PSMB7: variants seen among roughly 807,000 people sequenced by gnomAD.
PSMB7 encodes proteasome 20S subunit beta 7, also known as proteasome subunit beta type-7.
Under a neutral mutation model 28.1 loss-of-function variants are expected in PSMB7, and 5 were observed. The observed-to-expected ratio is 0.18, with a 90% CI of 0.09 to 0.37. PSMB7 has a LOEUF of 0.37. Among genes scored for constraint, PSMB7 ranks in the 10% least tolerant of loss-of-function variants. The pLI is 1.00. For missense variants in PSMB7, 275 were observed against 346.2 expected (o/e 0.79, Z 1.63); for synonymous variants, 122 against 123.7 (o/e 0.99, Z 0.09).
intron 5 of PSMB7, among the ~76,000 whole-genome samples, chr9:124,385,664 A>G (rs1385160719): frequency 1.3e-5 from 2 of 152,236 alleles, no homozygotes; most frequent in Admixed American, 1.3e-4. Flanking sequence ...GCTGGGTCAC[A>G]GAGAAAACCA....
At chr9:124,387,102 C>T (rs1391173221) in intron 5 of PSMB7, among the ~76,000 whole-genome samples, 1 of 151,958 alleles carries the variant, frequency 6.6e-6, no homozygotes, top group Non-Finnish European at 1.5e-5. Flanking sequence ...AAACATTAGC[C>T]GAGCATGGTG....
intron 5 of PSMB7, among the ~76,000 whole-genome samples, chr9:124,387,273 C>G (rs532398276): frequency 1.3e-5 from 2 of 152,190 alleles, no homozygotes; most frequent in South Asian, 4.1e-4. Flanking sequence ...AACAAAAAAC[C>G]TTTTTCCTGC....
At chr9:124,360,198 C>T (rs542304817) in intron 6 of PSMB7, among the ~76,000 whole-genome samples, 34 of 152,112 alleles carry the variant, frequency 2.2e-4, no homozygotes, top group Non-Finnish European at 4.1e-4. Flanking sequence ...CATGTGCTAC[C>T]AAATATTTAA....
intron 6 of PSMB7, among the ~76,000 whole-genome samples, chr9:124,364,180 C>G (rs1457443872): frequency 3.9e-5 from 6 of 152,138 alleles, no homozygotes; most frequent in African/African-American, 1.4e-4. Context: ...TTCCCAACTG[C>G]TGGTACAGAT....
intron 5 of PSMB7, among the ~76,000 whole-genome samples, chr9:124,404,070 G>C (rs901343048): frequency 6.6e-6 from 1 of 151,580 alleles, no homozygotes; most frequent in Non-Finnish European, 1.5e-5. Flanking sequence ...ATATATATGT[G>C]GCACAGACCG....
chr9:124,378,240 G>A (rs567559125), intron 6 of PSMB7, among the ~76,000 whole-genome samples: 2 of 152,256 alleles, frequency 1.3e-5, no homozygotes, highest in East Asian at 3.9e-4. Context: ...GGCTCTCATG[G>A]GACGCCAGAG....
chr9:124,386,399 T>C (rs545006075), intron 5 of PSMB7, among the ~76,000 whole-genome samples: 2 of 152,222 alleles, frequency 1.3e-5, no homozygotes, highest in South Asian at 4.1e-4. Context: ...AGGGGGAAAG[T>C]TAACCTAAGT....
intron 6 of PSMB7, among the ~76,000 whole-genome samples, chr9:124,372,543 T>A (rs533659282): frequency 5.9e-5 from 9 of 152,210 alleles, no homozygotes; most frequent in Non-Finnish European, 1.2e-4. Context: ...CTTACGGAGA[T>A]TTTTGGTAAA....
At chr9:124,413,540 G>A (rs1268765259) in intron 3 of PSMB7, among the ~76,000 whole-genome samples, 1 of 152,134 alleles carries the variant, frequency 6.6e-6, no homozygotes, top group Non-Finnish European at 1.5e-5. Context: ...GGATGCCTAA[G>A]AGAGGCCAAT....
At chr9:124,387,503 T>A (rs911156986) in intron 5 of PSMB7, among the ~76,000 whole-genome samples, 3 of 149,676 alleles carry the variant, frequency 2.0e-5, no homozygotes, top group African/African-American at 5.1e-5. Context: ...ACACACACAC[T>A]CTCTCTCTCG....
At chr9:124,354,150 C>T (rs1830371350) in intron 7 of PSMB7, among the ~76,000 whole-genome samples, 1 of 140,022 alleles carries the variant, frequency 7.1e-6, no homozygotes, top group South Asian at 2.4e-4. Flanking sequence ...ACTGCACAAA[C>T]ATCTGGAAGC....
chr9:124,388,184 T>C (rs902238076), intron 5 of PSMB7, among the ~76,000 whole-genome samples: 6 of 152,248 alleles, frequency 3.9e-5, no homozygotes, highest in Non-Finnish European at 8.8e-5. Context: ...TCATTTGCTC[T>C]GATTTTTTAT....
At chr9:124,394,400 C>A (rs1830821616) in intron 5 of PSMB7, among the ~76,000 whole-genome samples, 1 of 152,176 alleles carries the variant, frequency 6.6e-6, no homozygotes, top group African/African-American at 2.4e-5. Context: ...AATTCTGAAA[C>A]AAGAGCAGAT....
chr9:124,354,951 G>A (rs1830384964), intron 7 of PSMB7, among the ~76,000 whole-genome samples: 1 of 152,262 alleles, frequency 6.6e-6, no homozygotes, highest in Non-Finnish European at 1.5e-5. Flanking sequence ...CCAGTGGACT[G>A]CAAGACCGTG....
In PSMB7 at chr9:124,373,666, T is replaced by C. The variant is rs565377484; in HGVS notation, c.570+10932A>G. On this transcript the variant is annotated intron_variant, in intron 6 of 7. Coordinates refer to ENST00000259457, the MANE Select transcript of PSMB7 (RefSeq NM_002799.4). ...AACAAAAAATCCATCAAAACCACAA[T>C]AAGATACCAAGTCACACACACCCAC... 3.9e-5 allele frequency among the ~76,000 whole-genome samples: 6 copies of C among 152,136 alleles called. No homozygotes were observed. The South Asian group carries it at 1.2e-3, about 32-fold the overall frequency.
At chr9:124,402,380 A>G (rs1830919611) in intron 5 of PSMB7, among the ~76,000 whole-genome samples, 1 of 152,212 alleles carries the variant, frequency 6.6e-6, no homozygotes, top group Non-Finnish European at 1.5e-5. Context: ...ACAAATTACC[A>G]CAGTTCACTG....
intron 6 of PSMB7, among the ~76,000 whole-genome samples, chr9:124,360,362 A>G (rs921449051): frequency 1.3e-5 from 2 of 152,210 alleles, no homozygotes; most frequent in South Asian, 2.1e-4. Flanking sequence ...TTTCTGGAAG[A>G]TGCAGAGTGA....
At chr9:124,354,819 C>T (rs1349732608) in intron 7 of PSMB7, among the ~76,000 whole-genome samples, 1 of 152,232 alleles carries the variant, frequency 6.6e-6, no homozygotes, top group Admixed American at 6.5e-5. Context: ...CCTCTGTGTG[C>T]CTGACTCCTC....
intron 6 of PSMB7, among the ~76,000 whole-genome samples, chr9:124,383,266 A>G (rs1303579500): frequency 6.6e-6 from 1 of 152,208 alleles, no homozygotes; most frequent in Non-Finnish European, 1.5e-5. Context: ...TTTATTGTCT[A>G]TACTTGGACC....
Sources: allele counts gnomAD v4.1 joint callset (sites outside exome capture counted in the v4.1 genomes callset), GRCh38; gene constraint gnomAD v4.1.1; transcripts MANE v1.5; gene names NCBI Gene and HGNC (gene_info 2026-07-23, HGNC 2026-07-21).